The following FSD1L variants were observed in gnomAD, a reference collection of about 807,000 sequenced individuals.
FSD1L encodes fibronectin type III and SPRY domain containing 1 like.
FSD1L carries 45 observed loss-of-function variants against 71.6 expected under a neutral mutation model. The observed-to-expected ratio is 0.63, with a 90% CI of 0.49 to 0.81. The LOEUF (loss-of-function observed/expected upper bound fraction) is 0.81. Among genes scored for constraint, FSD1L ranks in the 30% least tolerant of loss-of-function variants. The pLI, the probability that FSD1L is intolerant of heterozygous loss-of-function variation, is 0.00. For missense variants in FSD1L, 561 were observed against 618.1 expected (o/e 0.91, Z 0.98); for synonymous variants, 197 against 207.2 (o/e 0.95, Z 0.42).
intron 1 of FSD1L, among the ~76,000 whole-genome samples, chr9:105,455,639 A>G (rs762316319): frequency 6.6e-6 from 1 of 152,106 alleles, no homozygotes; most frequent in African/African-American, 2.4e-5. Context: ...TCTGGGGACA[A>G]CCTCCTGAAT....
At chr9:105,524,093 G>T (rs1589076111) in intron 10 of FSD1L, 3 of 1,611,782 alleles carry the variant, frequency 1.9e-6, no homozygotes, top group East Asian at 2.2e-5. Flanking sequence ...TATTAAGCTC[G>T]GCAAGAGATG....
intron 6 of FSD1L, among the ~76,000 whole-genome samples, chr9:105,480,665 C>A (rs557399188): frequency 2.6e-5 from 4 of 152,142 alleles, no homozygotes; most frequent in South Asian, 4.2e-4. Context: ...TCTTATAAAT[C>A]CTGGATCTAG....
intron 1 of FSD1L, among the ~76,000 whole-genome samples, chr9:105,458,325 T>C (rs1273663354): frequency 2.0e-5 from 3 of 152,062 alleles, no homozygotes; most frequent in Non-Finnish European, 2.9e-5. Flanking sequence ...ACAGCCCCTT[T>C]TGCTCCTGTC....
At chr9:105,498,321 A>C (rs2131325834) in intron 7 of FSD1L, among the ~76,000 whole-genome samples, 1 of 151,918 alleles carries the variant, frequency 6.6e-6, no homozygotes, top group African/African-American at 2.4e-5. Context: ...ATTCTAAGAA[A>C]TGTGATGTTT....
intron 9 of FSD1L, 89 bp from the exon 10 acceptor site, chr9:105,512,718 G>A (rs1008953180): frequency 8.9e-6 from 6 of 675,974 alleles, no homozygotes; most frequent in Non-Finnish European, 1.4e-5. Flanking sequence ...TGAATTGATT[G>A]AGTAGGAAAA....
At chr9:105,471,410 CAATAGAAACATTTTTA>C (rs1279775887) in intron 4 of FSD1L, among the ~76,000 whole-genome samples, 8 of 151,964 alleles carry the variant, frequency 5.3e-5, no homozygotes, top group Admixed American at 5.2e-4. Context: ...TAGGAGCAGC[CAATAGAAACATTTTTA>C]AAACTTGCAG....
rs1832091768 is a variant in FSD1L, at chr9:105,480,384, AT to A, written c.464+1009del. Among the ~76,000 whole-genome samples the A allele has an allele frequency of 2.7e-5, 4 of 149,778 alleles. No individual in the cohort carries two copies. The South Asian group carries it at 8.4e-4, about 31-fold the overall frequency. The stretch of plus-strand genomic sequence containing the variant: ...CTTGTCACACTGCAACCTCTGCCTC[AT>A]GGGCTCAAGTGATCCTCCACCTCAT... On this transcript the variant is annotated intron_variant, in intron 6 of 13. Coordinates refer to ENST00000481272, the MANE Select transcript of FSD1L (RefSeq NM_001145313.3).
intron 7 of FSD1L, among the ~76,000 whole-genome samples, chr9:105,487,660 G>A (rs1048972983): frequency 3.9e-5 from 6 of 152,018 alleles, no homozygotes; most frequent in Admixed American, 1.3e-4. Context: ...CCTATGTGGT[G>A]TATATCCTTG....
upstream of FSD1L, among the ~76,000 whole-genome samples, chr9:105,443,058 T>C (rs771477181): frequency 1.3e-5 from 2 of 152,256 alleles, no homozygotes; most frequent in African/African-American, 2.4e-5. Flanking sequence ...TCTTCTCACA[T>C]GGTTTCACTA....
At chr9:105,529,524 A>G (rs1835755237) in intron 10 of FSD1L, among the ~76,000 whole-genome samples, 1 of 152,220 alleles carries the variant, frequency 6.6e-6, no homozygotes, top group Non-Finnish European at 1.5e-5. Context: ...TGACAAGAAC[A>G]GAAAACCAAA....
chr9:105,512,276 C>A (rs1337812598), intron 9 of FSD1L, among the ~76,000 whole-genome samples: 1 of 151,934 alleles, frequency 6.6e-6, no homozygotes, highest in East Asian at 1.9e-4. Flanking sequence ...ATCAGCTGGG[C>A]CAGTTTCCTT....
In FSD1L at chr9:105,501,743, G is replaced by A. The variant is rs113254231; in HGVS notation, c.587-4656G>A. Among the ~76,000 whole-genome samples the A allele has an allele frequency of 9.2e-3, 1,397 of 151,858 alleles. 22 individuals are homozygous for A. Among genetic ancestry groups the A allele is most frequent in the African/African-American group, 0.032 (1,337 of 41,392 alleles). On this transcript the variant is annotated intron_variant, in intron 7 of 13. Transcript: ENST00000481272. ...ACCACTGCACCCAGCCATCATTTCC[G>A]CGTTTACATCTGTGTTCTTCTTATT... is the stretch of plus-strand genomic sequence containing the variant.
At chr9:105,520,519 G>A (rs1264260540) in intron 10 of FSD1L, 4 of 1,152,750 alleles carry the variant, frequency 3.5e-6, no homozygotes, top group Non-Finnish European at 5.2e-6. Flanking sequence ...TTTTATTTTT[G>A]AGAAAATTTT....
intron 3 of FSD1L, among the ~76,000 whole-genome samples, chr9:105,466,932 G>A (rs1423843977): frequency 6.6e-6 from 1 of 152,052 alleles, no homozygotes; most frequent in Non-Finnish European, 1.5e-5. Flanking sequence ...AAGTAGTGGG[G>A]GAATTAAACT....
chr9:105,516,042 AG>A (rs1834698723), intron 10 of FSD1L, among the ~76,000 whole-genome samples: 1 of 152,140 alleles, frequency 6.6e-6, no homozygotes, highest in South Asian at 2.1e-4. Flanking sequence ...AGGCTTGAGT[AG>A]GTGGTTTTCC....
chr9:105,461,664 A>C lies in FSD1L; in HGVS notation c.111+49A>C, dbSNP rs747303044. ...AGGTTTTAACTTGAAGATCTGATTC[A>C]AAATTAGAGCATTTAGATGTCTTTG... On this transcript the variant is annotated intron_variant, in intron 2 of 13. Coordinates refer to ENST00000481272, the MANE Select transcript of FSD1L (RefSeq NM_001145313.3). 8.1e-6 allele frequency: 9 copies of C among 1,117,624 alleles called. No homozygotes were observed. In the South Asian group the frequency reaches 1.1e-4, roughly 13 times the overall value. 69.2% of individuals were successfully genotyped at this position (1,117,624 alleles called of 1,614,324 possible). A position where few individuals can be genotyped will look rare whatever the true frequency, so the allele number is the denominator to read the frequency against.
chr9:105,543,566 A>G (rs1190341608), intron 13 of FSD1L, among the ~76,000 whole-genome samples: 1 of 151,930 alleles, frequency 6.6e-6, no homozygotes, highest in Non-Finnish European at 1.5e-5. Context: ...TATATCTCCT[A>G]ATGCTATCCC....
intron 3 of FSD1L, among the ~76,000 whole-genome samples, chr9:105,466,927 G>A (rs1286458186): frequency 2.0e-5 from 3 of 152,156 alleles, no homozygotes; most frequent in Non-Finnish European, 4.4e-5. Flanking sequence ...AAAAAAAGTA[G>A]TGGGGGAATT....
chr9:105,529,386 A>G (rs1206659901), intron 10 of FSD1L, among the ~76,000 whole-genome samples: 1 of 152,238 alleles, frequency 6.6e-6, no homozygotes, highest in Admixed American at 6.5e-5. Flanking sequence ...ATGTCCATCA[A>G]TGATAGACTG....
Sources: allele counts gnomAD v4.1 joint callset (sites outside exome capture counted in the v4.1 genomes callset), GRCh38; gene constraint gnomAD v4.1.1; transcripts MANE v1.5; gene names NCBI Gene and HGNC (gene_info 2026-07-23, HGNC 2026-07-21).